The following ADAM28 variants were observed in gnomAD, a reference collection of about 807,000 sequenced individuals.
ADAM28 encodes the protein disintegrin and metalloproteinase domain-containing protein 28.
Under a neutral mutation model 101.2 loss-of-function variants are expected in ADAM28, and 105 were observed. The ratio of observed to expected loss-of-function variants is 1.04; its 90% CI spans 0.89 to 1.22. The LOEUF is 1.22. Among genes scored for constraint, ADAM28 ranks in the 50% most tolerant of loss-of-function variants. The pLI is 0.00. For missense variants in ADAM28, 1,028 were observed against 945.4 expected (o/e 1.09, Z -1.15); for synonymous variants, 322 against 310.6 (o/e 1.04, Z -0.39).
rs1185083700 is a variant in ADAM28 at position 24,339,582 on chromosome 8, T to A, written c.1670+14T>A. ...CTGCAAAGCAAAGTAAGTGGCCTTG[T>A]CTGAACCTTCCTGCTTCACAGACTA... On this transcript the variant is annotated intron_variant, in intron 15 of 22. Transcript: ENST00000265769. 2 of 1,598,078 alleles carry A rather than the reference T, an allele frequency of 1.3e-6. No homozygotes were observed. Among genetic ancestry groups the A allele is most frequent in the African/African-American group, 2.7e-5 (2 of 74,496 alleles).
At chr8:24,324,133 A>G (rs1311688829) in intron 9 of ADAM28, 130 bp downstream of exon 9, 1 of 698,126 alleles carries the variant, frequency 1.4e-6, no homozygotes, top group Non-Finnish European at 2.1e-6. Context: ...TATATGTCAA[A>G]TATGCTCTTA....
intron 1 of ADAM28, 78 bp downstream of exon 1, chr8:24,294,273 T>C: frequency 6.7e-7 from 1 of 1,488,062 alleles, no homozygotes; most frequent in South Asian, 1.1e-5. Flanking sequence ...TTTTATTGTA[T>C]AAACTATTTT....
chr8:24,302,424 A>G (rs1808909979), intron 2 of ADAM28, among the ~76,000 whole-genome samples: 1 of 152,212 alleles, frequency 6.6e-6, no homozygotes, highest in Non-Finnish European at 1.5e-5. Flanking sequence ...TCTTTGTAAT[A>G]GAATGATTTA....
intron 18 of ADAM28, among the ~76,000 whole-genome samples, chr8:24,347,389 A>G (rs1386328362): frequency 6.6e-6 from 1 of 152,052 alleles, no homozygotes; most frequent in African/African-American, 2.4e-5. Context: ...TATCAAGGTT[A>G]TGCTAGTCGC....
At chr8:24,310,403 A>G (rs1326891895) in intron 4 of ADAM28, 162 bp downstream of exon 4, 3 of 660,064 alleles carry the variant, frequency 4.5e-6, no homozygotes, top group Non-Finnish European at 7.3e-6. Context: ...AAAGTGGAAA[A>G]TCAATTAACA....
chr8:24,325,366 C>T (rs1446729658), intron 9 of ADAM28, among the ~76,000 whole-genome samples: 1 of 151,842 alleles, frequency 6.6e-6, no homozygotes, highest in African/African-American at 2.4e-5. Context: ...AATGTCTTAC[C>T]ATTTACCAAA....
intron 8 of ADAM28, among the ~76,000 whole-genome samples, chr8:24,321,615 A>G (rs572537588): frequency 6.6e-5 from 10 of 152,084 alleles, no homozygotes; most frequent in South Asian, 2.1e-4. Context: ...TCCAGAGGGG[A>G]AAAAAATAAT....
intron 9 of ADAM28, among the ~76,000 whole-genome samples, chr8:24,325,879 A>AAAAAAAAAAAAAAAAAAAAAAC (rs1563296641): frequency 9.9e-5 from 12 of 121,158 alleles, no homozygotes; most frequent in Non-Finnish European, 1.7e-4. Flanking sequence ...AGCAAAAAAA[A>AAAAAAAAAAAAAAAAAAAAAAC]AAAAAAAAAA....
chr8:24,323,825 T>A lies in ADAM28; in HGVS notation c.721-9T>A. On this transcript the variant is annotated splice_polypyrimidine_tract_variant and intron_variant, in intron 8 of 22. Transcript: ENST00000265769. The stretch of plus-strand genomic sequence containing the variant: ...ATTAATTGCTTTGCCATTTATTTTC[T>A]TTGGACAGCTTTATAAAAAGCTCAA... 8 of 1,598,384 alleles carry A rather than the reference T, an allele frequency of 5.0e-6. No individual in the cohort carries two copies. Among genetic ancestry groups the A allele is most frequent in the Non-Finnish European group, 6.8e-6 (8 of 1,172,806 alleles).
chr8:24,337,499 T>A (rs1026889563), intron 14 of ADAM28, among the ~76,000 whole-genome samples: 3 of 152,244 alleles, frequency 2.0e-5, no homozygotes, highest in Admixed American at 2.0e-4. Flanking sequence ...ATTGTCTACA[T>A]TGTTCACAGT....
At chr8:24,332,009 G>A (rs558288889) in intron 12 of ADAM28, among the ~76,000 whole-genome samples, 1 of 152,232 alleles carries the variant, frequency 6.6e-6, no homozygotes, top group African/African-American at 2.4e-5. Flanking sequence ...TGCTCTATGA[G>A]AAAAAGTAGT....
intron 2 of ADAM28, among the ~76,000 whole-genome samples, chr8:24,306,357 T>TATATATATATATATATATATATATATTTA (rs1157755290): frequency 3.0e-4 from 36 of 118,662 alleles, no homozygotes; most frequent in African/African-American, 1.2e-3. Flanking sequence ...TACAAATAAA[T>TATATATATATATATATATATATATATTTA]AAATAAATAT....
chr8:24,323,977 G>T lies in ADAM28; in HGVS notation c.864G>T (p.Lys288Asn), dbSNP rs748508615. The T allele has an allele frequency of 1.2e-6, 2 of 1,611,962 alleles. No individual in the cohort carries two copies. Among genetic ancestry groups the T allele is most frequent in the South Asian group, 1.1e-5 (1 of 91,026 alleles). ...KWRGSVLSRRKRHDIAQLITA... is the reference protein window; with the variant it reads ...KWRGSVLSRRNRHDIAQLITA... Reference sequence around the variant, plus strand: ...GGGGGAGTGTTCTCTCAAGAAGAAAGCGTCATGATATTGCTCAGTTAATCA... The same window carrying T: ...GGGGGAGTGTTCTCTCAAGAAGAAATCGTCATGATATTGCTCAGTTAATCA... The change falls in exon 9 of 23, where the codon AAG becomes AAT. Residue 288 changes from lysine (K) to asparagine (N), a missense_variant. Transcript: ENST00000265769.
At chr8:24,313,777 G>A (rs1003817412) in intron 6 of ADAM28, among the ~76,000 whole-genome samples, 197 bp downstream of exon 6, 3 of 136,580 alleles carry the variant, frequency 2.2e-5, no homozygotes, top group African/African-American at 8.9e-5. Context: ...TTTTTTTTGA[G>A]ATGGAGTTTC....
In ADAM28 at chr8:24,301,326, G is replaced by A. The variant is rs138294971; in HGVS notation, c.150+1249G>A. ...ATGACTTTCTTCAAATGCTCTCTAA[G>A]ACTTTCTTTAAAATGTCAGACACCT... On this transcript the variant is annotated intron_variant, in intron 2 of 22. Transcript: ENST00000265769. 6.6e-4 allele frequency among the ~76,000 whole-genome samples: 100 copies of A among 152,164 alleles called. 1 individual carries two copies. In the East Asian group the frequency reaches 0.018, roughly 27 times the overall value.
chr8:24,300,719 T>G (rs1040228357), intron 2 of ADAM28, among the ~76,000 whole-genome samples: 1 of 152,178 alleles, frequency 6.6e-6, no homozygotes, highest in Non-Finnish European at 1.5e-5. Context: ...TAGCCATAAA[T>G]TTAACATTTT....
chr8:24,300,440 A>G (rs768535553), intron 2 of ADAM28, among the ~76,000 whole-genome samples: 3 of 152,016 alleles, frequency 2.0e-5, no homozygotes, highest in Admixed American at 6.6e-5. Context: ...TTTTCCAGAC[A>G]GAGTCTCGCT....
At chr8:24,319,963 G>A (rs1253004061) in intron 6 of ADAM28, among the ~76,000 whole-genome samples, 1 of 151,814 alleles carries the variant, frequency 6.6e-6, no homozygotes, top group Non-Finnish European at 1.5e-5. Context: ...TAGAAAGACT[G>A]GTTTTATTTC....
At chr8:24,310,653 C>T (rs1443610600) in intron 4 of ADAM28, among the ~76,000 whole-genome samples, 1 of 152,146 alleles carries the variant, frequency 6.6e-6, no homozygotes, top group African/African-American at 2.4e-5. Context: ...CTATTCATAG[C>T]CCATCTTTTC....
Sources: gnomAD v4.1 joint callset for allele counts (sites outside exome capture counted in the v4.1 genomes callset) on GRCh38, gnomAD v4.1.1 for gene constraint, MANE v1.5 for transcripts, NCBI Gene and HGNC (gene_info 2026-07-23, HGNC 2026-07-21) for gene names.